The following UTRN variants were observed in gnomAD, a reference collection of about 807,000 sequenced individuals.
The protein encoded by UTRN is utrophin.
In UTRN, 283 loss-of-function variants were observed where a neutral mutation model predicts 463.9. That is an observed-to-expected ratio of 0.61 (90% CI 0.55 to 0.67). UTRN has a LOEUF of 0.67. UTRN is among the 30% of genes least tolerant of loss of function. The probability of loss-of-function intolerance (pLI) is 0.00; values close to 1 mark genes in which losing one functional copy is unlikely to be tolerated. For synonymous variants in UTRN, 1,442 were observed against 1,431.5 expected, an observed-to-expected ratio of 1.01 and a Z score of -0.17; for missense variants, 3,922 against 4,084.3, an observed-to-expected ratio of 0.96 and a Z score of 1.08.
intron 46 of UTRN, among the ~76,000 whole-genome samples, chr6:144,546,471 C>T (rs767059307): frequency 7.2e-5 from 11 of 152,000 alleles, no homozygotes; most frequent in Non-Finnish European, 1.2e-4. Context: ...ATAATAAAGC[C>T]ATTATATGTT....
intron 2 of UTRN, among the ~76,000 whole-genome samples, chr6:144,370,694 A>G (rs896834844): frequency 1.3e-5 from 2 of 152,146 alleles, no homozygotes; most frequent in Non-Finnish European, 2.9e-5. Flanking sequence ...TGGAAAAGCC[A>G]CAGACAATGC....
At chr6:144,322,117 C>T (rs1775697583) in intron 2 of UTRN, among the ~76,000 whole-genome samples, 2 of 152,174 alleles carry the variant, frequency 1.3e-5, no homozygotes, top group Admixed American at 1.3e-4. Context: ...TAACTCCAAG[C>T]AAATGATAAT....
chr6:144,543,852 A>C (rs1429500457), intron 46 of UTRN, among the ~76,000 whole-genome samples: 1 of 151,956 alleles, frequency 6.6e-6, no homozygotes, highest in Non-Finnish European at 1.5e-5. Context: ...ATTGAGGACC[A>C]AGTTTGTGTT....
At chr6:144,527,447 T>A (rs1275753321) in intron 41 of UTRN, among the ~76,000 whole-genome samples, 1 of 152,238 alleles carries the variant, frequency 6.6e-6, no homozygotes, top group African/African-American at 2.4e-5. Flanking sequence ...TCTTATTGAC[T>A]TTACGTAACC....
At chr6:144,295,497 CT>C (rs1481518328) in intron 2 of UTRN, among the ~76,000 whole-genome samples, 1 of 152,242 alleles carries the variant, frequency 6.6e-6, no homozygotes, top group Non-Finnish European at 1.5e-5. Context: ...GTTGGGCAAG[CT>C]TCACATTTTT....
At chr6:144,396,009 A>T (rs1782371434) in intron 2 of UTRN, among the ~76,000 whole-genome samples, 3 of 151,996 alleles carry the variant, frequency 2.0e-5, no homozygotes, top group Non-Finnish European at 4.4e-5. Context: ...ACTGTATATT[A>T]ACCTAGCAAT....
At chr6:144,627,739 A>G (rs566324203) in intron 51 of UTRN, among the ~76,000 whole-genome samples, 15 of 149,736 alleles carry the variant, frequency 1.0e-4, no homozygotes, top group Admixed American at 7.3e-4. Flanking sequence ...TTATTTCATT[A>G]GCATAATGTC....
intron 51 of UTRN, 39 bp downstream of exon 51, chr6:144,577,327 C>T (rs1801535568): frequency 1.9e-6 from 3 of 1,597,238 alleles, no homozygotes; most frequent in Non-Finnish European, 2.6e-6. Flanking sequence ...CTGTGTTTGC[C>T]CTGTGTGCTT....
rs1366631714 is a variant in UTRN, at chr6:144,367,750, A to G, written c.80-35373A>G. On this transcript the variant is annotated intron_variant, in intron 2 of 74. Coordinates refer to ENST00000367545, the MANE Select transcript of UTRN (RefSeq NM_007124.3). ...GGCGACCAGGAGAAAAATCCTAAGA[A>G]TGTGAAAACCCCTATATAAGGAGAA... 2.6e-5 allele frequency among the ~76,000 whole-genome samples: 4 copies of G among 152,056 alleles called. No individual in the cohort carries two copies. The East Asian group carries it at 7.7e-4, about 29-fold the overall frequency.
At chr6:144,675,512 A>C (rs1328884031) in intron 51 of UTRN, among the ~76,000 whole-genome samples, 1 of 152,188 alleles carries the variant, frequency 6.6e-6, no homozygotes, top group Non-Finnish European at 1.5e-5. Context: ...CAGTGGAATT[A>C]GCTGTTGTTT....
At chr6:144,621,106 T>C (rs1463502689) in intron 51 of UTRN, among the ~76,000 whole-genome samples, 1 of 152,028 alleles carries the variant, frequency 6.6e-6, no homozygotes, top group African/African-American at 2.4e-5. Context: ...AAAATGAGAG[T>C]AATTAATGGT....
chr6:144,662,448 C>G (rs180925727), intron 51 of UTRN, among the ~76,000 whole-genome samples: 1 of 152,202 alleles, frequency 6.6e-6, no homozygotes, highest in Non-Finnish European at 1.5e-5. Flanking sequence ...CCATTCTACA[C>G]GCAGAGGTAG....
chr6:144,704,697 C>T (rs1411407795), intron 53 of UTRN, among the ~76,000 whole-genome samples: 1 of 152,164 alleles, frequency 6.6e-6, no homozygotes, highest in African/African-American at 2.4e-5. Flanking sequence ...GGCGTGGTGG[C>T]TCACACCTGT....
In UTRN at chr6:144,840,966, T is replaced by C. The variant is rs1781524027; in HGVS notation, c.10270+134T>C. On this transcript the variant is annotated intron_variant, in intron 73 of 74. Coordinates refer to ENST00000367545, the MANE Select transcript of UTRN (RefSeq NM_007124.3). Reference sequence around the variant, plus strand: ...AACAGGACTGAATATTATTTGAAAATAAGGCAAACATTATATAAGAAAATG... The same window carrying C: ...AACAGGACTGAATATTATTTGAAAACAAGGCAAACATTATATAAGAAAATG... 15 of 925,976 alleles carry C rather than the reference T, an allele frequency of 1.6e-5. No individual in the cohort carries two copies. The South Asian group carries it at 2.7e-4, about 16-fold the overall frequency. The allele number at this position is 925,976 out of a possible 1,614,324, so 57.4% of individuals were successfully genotyped here.
intron 33 of UTRN, among the ~76,000 whole-genome samples, chr6:144,494,480 A>G (rs1793391276): frequency 6.6e-6 from 1 of 152,172 alleles, no homozygotes; most frequent in Admixed American, 6.5e-5. Flanking sequence ...AGCAAGATTT[A>G]TTGCAAAGAG....
Position 144,438,813 on chromosome 6 carries a change from C to T in UTRN, c.1310C>T (p.Thr437Ile), listed in dbSNP as rs556968134. 2 of 1,614,188 alleles carry T rather than the reference C, an allele frequency of 1.2e-6. No homozygotes were observed. The highest frequency in any genetic ancestry group is 8.5e-7 in the Non-Finnish European group (1 of 1,180,044). The change falls in exon 12 of 75, where the codon ACA (threonine) becomes ATA (isoleucine). Residue 437 changes from threonine (T) to isoleucine (I), a missense_variant. Coordinates refer to ENST00000367545, the MANE Select transcript of UTRN (RefSeq NM_007124.3). Reference sequence around the variant, plus strand: ...CAGCTCTCCGCCTGGTTAACACTCACAGAGGAGCGCATTCAGAAGATGGAA... The same window carrying T: ...CAGCTCTCCGCCTGGTTAACACTCATAGAGGAGCGCATTCAGAAGATGGAA... The part of the protein sequence containing the change: ...LQQLSAWLTL[T>I]EERIQKMETC...
intron 53 of UTRN, among the ~76,000 whole-genome samples, chr6:144,712,416 A>G (rs1785826665): frequency 6.6e-6 from 1 of 152,342 alleles, no homozygotes; most frequent in Non-Finnish European, 1.5e-5. Flanking sequence ...CTCTGGTGGT[A>G]AAATTAAGAG....
chr6:144,659,760 G>C (rs1261067653), intron 51 of UTRN: 1 of 152,404 alleles, frequency 6.6e-6, no homozygotes, highest in Admixed American at 6.5e-5. Context: ...GGAGGAAGTT[G>C]GTAATACTTG....
At chr6:144,689,852 G>A (rs1026087062) in intron 52 of UTRN, among the ~76,000 whole-genome samples, 12 of 152,046 alleles carry the variant, frequency 7.9e-5, no homozygotes, top group Non-Finnish European at 1.3e-4. Flanking sequence ...TAATGGTGAC[G>A]GCCAAGGTCA....
Sources: gnomAD v4.1 joint callset for allele counts (sites outside exome capture counted in the v4.1 genomes callset) on GRCh38, gnomAD v4.1.1 for gene constraint, MANE v1.5 for transcripts, NCBI Gene and HGNC (gene_info 2026-07-23, HGNC 2026-07-21) for gene names.